SLIT2: variants seen among roughly 807,000 people sequenced by gnomAD.
SLIT2 encodes the protein slit homolog 2 protein.
SLIT2 carries 41 observed loss-of-function variants against 185.7 expected under a neutral mutation model. The observed-to-expected ratio is 0.22, with a 90% CI of 0.17 to 0.29. SLIT2 has a LOEUF of 0.29. SLIT2 is among the 10% of genes least tolerant of loss of function. SLIT2 has a pLI of 1.00. For missense variants in SLIT2, 1,571 were observed against 1,909.0 expected, an observed-to-expected ratio of 0.82 and a Z score of 3.30; for synonymous variants, 693 against 680.2, an observed-to-expected ratio of 1.02 and a Z score of -0.29.
At chr4:20,411,299 C>T (rs947968200) in intron 4 of SLIT2, among the ~76,000 whole-genome samples, 4 of 152,212 alleles carry the variant, frequency 2.6e-5, no homozygotes, top group African/African-American at 9.6e-5. Flanking sequence ...ATAACACTTA[C>T]TATGCATCTA....
At chr4:20,334,223 T>C (rs1023778751) in intron 4 of SLIT2, among the ~76,000 whole-genome samples, 2 of 152,182 alleles carry the variant, frequency 1.3e-5, no homozygotes, top group Non-Finnish European at 2.9e-5. Context: ...CGTGGTAATA[T>C]GTAAGACTTT....
intron 4 of SLIT2, among the ~76,000 whole-genome samples, chr4:20,339,664 A>G (rs989856776): frequency 1.3e-5 from 2 of 152,196 alleles, no homozygotes; most frequent in African/African-American, 4.8e-5. Context: ...TGGCTGAAGC[A>G]TAGATTGTTT....
intron 9 of SLIT2, among the ~76,000 whole-genome samples, chr4:20,502,243 A>C (rs1718808996): frequency 6.6e-6 from 1 of 152,252 alleles, no homozygotes; most frequent in Non-Finnish European, 1.5e-5. Context: ...ATATTAAAAT[A>C]AGCACAGAGA....
chr4:20,532,675 A>AT (rs1721913942), intron 17 of SLIT2, among the ~76,000 whole-genome samples: 1 of 152,180 alleles, frequency 6.6e-6, no homozygotes, highest in Non-Finnish European at 1.5e-5. Flanking sequence ...GCATCAGCTC[A>AT]CTTTAGCTGT....
chr4:20,502,348 A>C (rs969262044), intron 9 of SLIT2, among the ~76,000 whole-genome samples: 20 of 152,238 alleles, frequency 1.3e-4, no homozygotes, highest in African/African-American at 4.8e-4. Flanking sequence ...AAGCACATGC[A>C]GAAAAGTGGC....
intron 4 of SLIT2, among the ~76,000 whole-genome samples, chr4:20,337,834 T>C (rs1720635367): frequency 6.6e-6 from 1 of 152,130 alleles, no homozygotes; most frequent in African/African-American, 2.4e-5. Flanking sequence ...CTTTTGCTCC[T>C]TGTGTGTTAA....
At chr4:20,460,127 G>A (rs1456425801) in intron 4 of SLIT2, among the ~76,000 whole-genome samples, 2 of 151,900 alleles carry the variant, frequency 1.3e-5, no homozygotes, top group East Asian at 3.9e-4. Flanking sequence ...GCCTCCCAAA[G>A]GCTGAGATTA....
At chr4:20,308,466 A>T (rs1717781683) in intron 4 of SLIT2, among the ~76,000 whole-genome samples, 1 of 152,202 alleles carries the variant, frequency 6.6e-6, no homozygotes, top group Non-Finnish European at 1.5e-5. Flanking sequence ...AGGAGGGGAA[A>T]CAACGTGGTA....
chr4:20,569,495 A>T (rs1286769202), intron 29 of SLIT2, among the ~76,000 whole-genome samples: 1 of 152,102 alleles, frequency 6.6e-6, no homozygotes, highest in African/African-American at 2.4e-5. Flanking sequence ...GGATAGTCTT[A>T]TAAGACTATC....
intron 11 of SLIT2, among the ~76,000 whole-genome samples, chr4:20,512,158 G>C (rs994436419): frequency 1.3e-5 from 2 of 152,090 alleles, no homozygotes; most frequent in Non-Finnish European, 2.9e-5. Flanking sequence ...CTCAGAGAAG[G>C]GTTCTTATTG....
At chr4:20,582,490 T>C (rs1396520538) in intron 29 of SLIT2, among the ~76,000 whole-genome samples, 1 of 152,232 alleles carries the variant, frequency 6.6e-6, no homozygotes, top group Non-Finnish European at 1.5e-5. Flanking sequence ...AGCCAGTTGC[T>C]ATCAATCAGA....
At chr4:20,310,390 C>T (rs921305733) in intron 4 of SLIT2, among the ~76,000 whole-genome samples, 6 of 152,118 alleles carry the variant, frequency 3.9e-5, no homozygotes, top group South Asian at 2.1e-4. Flanking sequence ...GCCAAGACTT[C>T]GTTCCTTCTG....
intron 3 of SLIT2, among the ~76,000 whole-genome samples, chr4:20,265,153 T>G (rs1442458710): frequency 6.6e-6 from 1 of 151,956 alleles, no homozygotes; most frequent in Non-Finnish European, 1.5e-5. Context: ...TTCAAGCTGT[T>G]AAGCAAATTT....
At chr4:20,474,838 A>G (rs577736501) in intron 5 of SLIT2, among the ~76,000 whole-genome samples, 1 of 152,146 alleles carries the variant, frequency 6.6e-6, no homozygotes, top group South Asian at 2.1e-4. Flanking sequence ...AGGGTTTAAA[A>G]GTATTCAGTT....
intron 3 of SLIT2, among the ~76,000 whole-genome samples, chr4:20,267,368 A>G (rs1453721999): frequency 2.0e-5 from 3 of 151,758 alleles, no homozygotes; most frequent in Non-Finnish European, 1.5e-5. Context: ...GTCTTGGCAT[A>G]CTTTTTTTTA....
chr4:20,554,091 C>A, intron 26 of SLIT2, 123 bp downstream of exon 26: 1 of 820,134 alleles, frequency 1.2e-6, no homozygotes, highest in Non-Finnish European at 1.9e-6. Flanking sequence ...ATTTTTTCAG[C>A]CCATGCTTGG....
intron 5 of SLIT2, among the ~76,000 whole-genome samples, chr4:20,472,302 A>ATCTATATATC: frequency 9.4e-5 from 1 of 10,640 alleles, no homozygotes; most frequent in Non-Finnish European, 1.4e-4. Flanking sequence ...ATAGATATAT[A>ATCTATATATC]GATCTATATA....
intron 4 of SLIT2, among the ~76,000 whole-genome samples, chr4:20,272,542 C>T (rs958930207): frequency 6.6e-6 from 1 of 152,062 alleles, no homozygotes; most frequent in Non-Finnish European, 1.5e-5. Context: ...AAGTGATTCA[C>T]ACTTTTTGAT....
chr4:20,267,408 T>A (rs904568835), intron 3 of SLIT2, among the ~76,000 whole-genome samples: 2 of 151,862 alleles, frequency 1.3e-5, no homozygotes, highest in African/African-American at 4.8e-5. Flanking sequence ...GGCCTGAGAA[T>A]GTTTCTGTAG....
Sources: allele counts gnomAD v4.1 joint callset (sites outside exome capture counted in the v4.1 genomes callset), GRCh38; gene constraint gnomAD v4.1.1; transcripts MANE v1.5; gene names NCBI Gene and HGNC (gene_info 2026-07-23, HGNC 2026-07-21).